The following RIN2 variants were observed in gnomAD, a reference collection of about 807,000 sequenced individuals.
RIN2 encodes Ras and Rab interactor 2, also known as RAB5 interacting protein 2.
RIN2 carries 36 observed loss-of-function variants against 78.0 expected under a neutral mutation model. That is an observed-to-expected ratio of 0.46 (90% CI 0.35 to 0.61). The LOEUF is 0.61. Among genes scored for constraint, RIN2 ranks in the 20% least tolerant of loss-of-function variants. The pLI is 0.00. For synonymous variants in RIN2, 466 were observed against 466.8 expected (o/e 1.00, Z 0.02); for missense variants, 1,087 against 1,159.7 (o/e 0.94, Z 0.91).
chr20:19,932,500 A>G (rs1041170666), intron 3 of RIN2, among the ~76,000 whole-genome samples: 5 of 152,200 alleles, frequency 3.3e-5, no homozygotes, highest in African/African-American at 1.2e-4. Flanking sequence ...TATGTATAAA[A>G]TAGGATCTCC....
At chr20:19,891,947 T>C (rs2038487294) in intron 3 of RIN2, among the ~76,000 whole-genome samples, 1 of 152,254 alleles carries the variant, frequency 6.6e-6, no homozygotes, top group Non-Finnish European at 1.5e-5. Context: ...CAGTTTTTCC[T>C]GCAGTTCTAA....
At chr20:19,791,858 T>G in intron 1 of RIN2, among the ~76,000 whole-genome samples, 1 of 152,214 alleles carries the variant, frequency 6.6e-6, no homozygotes, top group Admixed American at 6.5e-5. Flanking sequence ...CGTGTCCACT[T>G]CAGGCAACAG....
chr20:19,990,280 G>T lies in RIN2; in HGVS notation c.2037G>T (p.Lys679Asn). The T allele has an allele frequency of 1.2e-6, 2 of 1,613,750 alleles. No individual in the cohort carries two copies. The highest frequency in any genetic ancestry group is 1.7e-6 in the Non-Finnish European group (2 of 1,179,804). ...TCATGCTGCTGCTGCGGGTCTGCAA[G>T]CTCATTTACACGGTCATGGAGAACA... The part of the protein sequence containing the change: ...KKVMLLLRVC[K>N]LIYTVMENNS... Residue 679 changes from lysine (K) to asparagine (N), a missense_variant, in exon 10 of 13, where the codon AAG becomes AAT. By Grantham distance (94) the Lys-to-Asn change is moderately conservative (BLOSUM62 0). Transcript: ENST00000255006.
intron 2 of RIN2, among the ~76,000 whole-genome samples, chr20:19,859,971 C>A (rs528770280): frequency 1.5e-4 from 23 of 152,148 alleles, no homozygotes; most frequent in Non-Finnish European, 2.9e-4. Context: ...TTTTATCAAG[C>A]CTGGCACCCC....
intron 1 of RIN2, among the ~76,000 whole-genome samples, chr20:19,766,789 C>T (rs562292843): frequency 6.6e-6 from 1 of 151,930 alleles, no homozygotes; most frequent in Admixed American, 6.6e-5. Flanking sequence ...GGCGTTGTGG[C>T]ACGCACCTGC....
At chr20:19,961,191 C>T (rs2041734556) in intron 6 of RIN2, among the ~76,000 whole-genome samples, 1 of 152,158 alleles carries the variant, frequency 6.6e-6, no homozygotes, top group Non-Finnish European at 1.5e-5. Context: ...CACGCTAATC[C>T]TAAATCCTAA....
chr20:19,837,105 A>G (rs1568798984), intron 2 of RIN2, among the ~76,000 whole-genome samples: 2 of 151,888 alleles, frequency 1.3e-5, no homozygotes, highest in African/African-American at 4.8e-5. Flanking sequence ...CATTTTGCAG[A>G]TATGTGTGGA....
chr20:19,988,504 G>A (rs186828814), intron 9 of RIN2, among the ~76,000 whole-genome samples: 46 of 152,334 alleles, frequency 3.0e-4, no homozygotes, highest in Admixed American at 9.8e-4. Context: ...CATTTTATGC[G>A]TAGATGCTGC....
intron 12 of RIN2, among the ~76,000 whole-genome samples, chr20:19,997,822 ATGAG>A (rs1192353801): frequency 2.6e-5 from 4 of 152,152 alleles, no homozygotes; most frequent in African/African-American, 4.8e-5. Flanking sequence ...CTATGAAATA[ATGAG>A]TGAGTTGGCA....
At chr20:19,891,730 A>G (rs1351170715) in intron 3 of RIN2, among the ~76,000 whole-genome samples, 1 of 132,538 alleles carries the variant, frequency 7.5e-6, no homozygotes, top group Non-Finnish European at 1.6e-5. Context: ...GAAGCAGGAG[A>G]ATCGTTTGAA....
chr20:19,993,164 C>G (rs2042847685), intron 11 of RIN2, among the ~76,000 whole-genome samples: 1 of 152,150 alleles, frequency 6.6e-6, no homozygotes, highest in Non-Finnish European at 1.5e-5. Flanking sequence ...GTGAGCTTAT[C>G]TTTTCAAAGG....
intron 4 of RIN2, among the ~76,000 whole-genome samples, chr20:19,936,310 T>G (rs2040641848): frequency 6.6e-6 from 1 of 152,228 alleles, no homozygotes; most frequent in South Asian, 2.1e-4. Context: ...TGTGAAAGTC[T>G]TATTTTTTCC....
rs73124208 is a variant in RIN2, at chr20:19,847,900, T to C, written c.-36-41666T>C. Among the ~76,000 whole-genome samples, 766 of 152,298 alleles carry C rather than the reference T, an allele frequency of 5.0e-3. 3 individuals are homozygous for C. Among genetic ancestry groups the C allele is most frequent in the Non-Finnish European group, 8.6e-3 (584 of 68,022 alleles). On this transcript the variant is annotated intron_variant, in intron 2 of 12. Transcript: ENST00000255006. ...TTTCTGTAGAGATCCACAGAGTAAC[T>C]TTTTTAAGCTCCACAGGCCATATGG...
At chr20:19,962,697 T>G (rs1272580769) in intron 6 of RIN2, among the ~76,000 whole-genome samples, 1 of 152,060 alleles carries the variant, frequency 6.6e-6, no homozygotes, top group Non-Finnish European at 1.5e-5. Context: ...AAGGAAGGAC[T>G]TGCTATAAAA....
chr20:19,869,896 C>T (rs1346676413), intron 2 of RIN2, among the ~76,000 whole-genome samples: 1 of 151,898 alleles, frequency 6.6e-6, no homozygotes, highest in African/African-American at 2.4e-5. Context: ...AATTCTCCCG[C>T]CTGGGCGTCC....
intron 10 of RIN2, among the ~76,000 whole-genome samples, chr20:19,991,474 AG>A (rs149728214): frequency 0.02 from 3,120 of 152,284 alleles, 121 homozygotes; most frequent in African/African-American, 0.07. Flanking sequence ...GAAGTTTAGC[AG>A]CATTCCAGAT....
intron 6 of RIN2, among the ~76,000 whole-genome samples, chr20:19,961,171 A>C (rs1272019600): frequency 6.6e-6 from 1 of 152,252 alleles, no homozygotes; most frequent in Non-Finnish European, 1.5e-5. Context: ...CTGTAGCGAG[A>C]GAGCCCTTTC....
At chr20:19,965,996 A>G (rs796848932) in intron 7 of RIN2, among the ~76,000 whole-genome samples, 5 of 152,220 alleles carry the variant, frequency 3.3e-5, no homozygotes, top group East Asian at 1.9e-4. Flanking sequence ...TTTTCTTACT[A>G]GCAATAACAG....
chr20:19,990,871 G>A (rs150545473), intron 10 of RIN2, among the ~76,000 whole-genome samples: 125 of 152,262 alleles, frequency 8.2e-4, no homozygotes, highest in African/African-American at 2.9e-3. Flanking sequence ...CATTAGAGCC[G>A]CTTCATTGGC....
Sources: allele counts gnomAD v4.1 joint callset (sites outside exome capture counted in the v4.1 genomes callset), GRCh38; gene constraint gnomAD v4.1.1; transcripts MANE v1.5; gene names NCBI Gene and HGNC (gene_info 2026-07-23, HGNC 2026-07-21).